The following MTSS2 variants were observed in gnomAD, a reference collection of about 807,000 sequenced individuals.
MTSS2 encodes the protein MTSS I-BAR domain containing 2, also known as protein MTSS 2.
Under a neutral mutation model 67.1 loss-of-function variants are expected in MTSS2, and 27 were observed. The ratio of observed to expected loss-of-function variants is 0.40; its 90% CI spans 0.30 to 0.55. The LOEUF is 0.55. MTSS2 is among the 20% of genes least tolerant of loss of function. MTSS2 has a pLI of 0.43. For synonymous variants in MTSS2, 624 were observed against 468.6 expected, an observed-to-expected ratio of 1.33 and a Z score of -4.28; for missense variants, 1,171 against 1,067.8, an observed-to-expected ratio of 1.10 and a Z score of -1.35.
intron 11 of MTSS2, among the ~76,000 whole-genome samples, chr16:70,672,776 T>C (rs1047103767): frequency 6.6e-6 from 1 of 150,902 alleles, no homozygotes; most frequent in Non-Finnish European, 1.5e-5. Flanking sequence ...AAATATGAGC[T>C]CAGAGATGCC....
rs766649777 is a variant in MTSS2 at position 70,663,443 on chromosome 16, A to G, written c.*234T>C. 18 of 715,892 alleles carry G rather than the reference A, an allele frequency of 2.5e-5. No homozygotes were observed. The highest frequency in any genetic ancestry group is 3.9e-5 in the Non-Finnish European group (18 of 461,190). The allele number at this position is 715,892 out of a possible 1,614,324, so 44.3% of individuals were successfully genotyped here. The stretch of plus-strand genomic sequence containing the variant: ...GAAGAGGAGGGACCGAAGAGCATAA[A>G]ACAGACCCCGAACCAGGCCCAGGCC... On this transcript the variant is annotated 3_prime_UTR_variant, in exon 15 of 15. Coordinates refer to ENST00000338779, the MANE Select transcript of MTSS2 (RefSeq NM_138383.3).
At chr16:70,665,124 G>A in intron 12 of MTSS2, 28 bp from the exon 13 acceptor site, 1 of 1,575,330 alleles carries the variant, frequency 6.3e-7, no homozygotes, top group Middle Eastern at 1.8e-4. Flanking sequence ...CAGGTCAGGG[G>A]GACCACTGGC....
chr16:70,663,469 T>C lies in MTSS2; in HGVS notation c.*208A>G. 1.0e-6 allele frequency: 1 copy of C among 953,280 alleles called. No individual in the cohort carries two copies. The highest frequency in any genetic ancestry group is 1.7e-5 in the African/African-American group (1 of 58,860). The allele number at this position is 953,280 out of a possible 1,614,324, so 59.1% of individuals were successfully genotyped here. The stretch of plus-strand genomic sequence containing the variant: ...ACAGACCCCGAACCAGGCCCAGGCC[T>C]GCAGGCTCCGTCCTGGCCAGGCTTG... On this transcript the variant is annotated 3_prime_UTR_variant, in exon 15 of 15. Transcript: ENST00000338779.
chr16:70,679,520 G>A (rs913459365), intron 6 of MTSS2, 110 bp downstream of exon 6: 2 of 1,316,646 alleles, frequency 1.5e-6, no homozygotes, highest in Admixed American at 2.4e-5. Context: ...GTCCTGTGTC[G>A]GGGACAGCGC....
intron 3 of MTSS2, among the ~76,000 whole-genome samples, 198 bp from the exon 4 acceptor site, chr16:70,680,253 G>A (rs143983268): frequency 6.6e-6 from 1 of 152,128 alleles, no homozygotes; most frequent in East Asian, 1.9e-4. Context: ...CATCCCAGCC[G>A]CGCCAGCCTC....
chr16:70,668,565 G>A (rs2052807487), intron 11 of MTSS2, among the ~76,000 whole-genome samples: 2 of 152,194 alleles, frequency 1.3e-5, no homozygotes, highest in Admixed American at 1.3e-4. Flanking sequence ...AGGCAGCACT[G>A]CTGTGCACTG....
chr16:70,664,509 C>CA (rs1347699629), intron 14 of MTSS2, 60 bp from the exon 15 acceptor site: 10 of 1,558,982 alleles, frequency 6.4e-6, no homozygotes. Flanking sequence ...CCCAGCCCAC[C>CA]AGGGTGAGCA....
At chr16:70,672,341 C>CAAAAAA (rs11297993) in intron 11 of MTSS2, among the ~76,000 whole-genome samples, 46 of 80,828 alleles carry the variant, frequency 5.7e-4, no homozygotes, top group Admixed American at 8.9e-4. Context: ...GAGCAAAATT[C>CAAAAAA]AAAAAAAAAA....
At chr16:70,677,057 A>T in intron 9 of MTSS2, 79 bp from the exon 10 acceptor site, 1 of 1,101,056 alleles carries the variant, frequency 9.1e-7, no homozygotes, top group South Asian at 1.5e-5. Context: ...CCCACTCTCT[A>T]ATTGTGAACC....
rs1342715686 is a variant in MTSS2, at chr16:70,664,689, C to T, written c.1380G>A (p.Gln460=). The stretch of plus-strand genomic sequence containing the variant: ...ACTGCAGCGAGTCCCGGCTGCTCTT[C>T]TGGTGCTCCAGGCTCAGGCCCCGCG... ...VLTRGLSLEH[Q]KSSRDSLQYS... is the part of the protein sequence containing the mutation. The change falls in exon 14 of 15, where the codon CAG becomes CAA. Residue 460 remains glutamine (Q), a synonymous_variant. Coordinates refer to ENST00000338779, the MANE Select transcript of MTSS2 (RefSeq NM_138383.3). The T allele has an allele frequency of 1.2e-5, 19 of 1,613,246 alleles. No homozygotes were observed. The highest frequency in any genetic ancestry group is 5.3e-5 in the African/African-American group (4 of 74,940).
rs776732239 is a variant in MTSS2 at position 70,662,855 on chromosome 16, A to T, written c.*822T>A. 1.3e-5 allele frequency: 2 copies of T among 152,412 alleles called. No individual in the cohort carries two copies. Among genetic ancestry groups the T allele is most frequent in the Admixed American group, 6.5e-5 (1 of 15,284 alleles). The allele number at this position is 152,412 out of a possible 1,614,324, so 9.4% of individuals were successfully genotyped here. A position where few individuals can be genotyped will look rare whatever the true frequency, so the allele number is the denominator to read the frequency against. On this transcript the variant is annotated 3_prime_UTR_variant, in exon 15 of 15. Transcript: ENST00000338779. ...CAAAGTTAAAAGATTGATGTACCCA[A>T]TGAGAAGTGGACATCTGAAAACGGT...
rs1597794690 is a variant in MTSS2, at chr16:70,664,053, G to A, written c.1868C>T (p.Ala623Val). Residue 623 changes from alanine to valine, a missense_variant, in exon 15 of 15, where the codon GCC becomes GTC. Around this residue, in one of 2 missense-constraint regions of MTSS2, gnomAD observed 924 missense variants for 756.0 expected, o/e 1.22. Coordinates refer to ENST00000338779, the MANE Select transcript of MTSS2 (RefSeq NM_138383.3). ...EECVFYTDET[A>V]SPLAPDLAKA... ...GGCGAGGTCCGGTGCCAGGGGTGAG[G>A]CGGTCTCGTCGGTATAGAAGACGCA... 1 of 1,610,626 alleles carries A rather than the reference G, an allele frequency of 6.2e-7. No individual in the cohort carries two copies. Among genetic ancestry groups the A allele is most frequent in the East Asian group, 2.2e-5 (1 of 44,808 alleles).
At position 70,680,965 on chromosome 16, in the gene MTSS2, T is replaced by C; in HGVS notation, c.130A>G (p.Arg44Gly). The part of the protein sequence containing the change: ...SKATKLHSQL[R>G]TTVLAAVAFL... ...CTGGGGTGCCCTGGGCCACCTCACCTCAGCTGGGAATGCAGCTTCGTGGCC... is the reference window on the plus strand; with the variant it reads ...CTGGGGTGCCCTGGGCCACCTCACCCCAGCTGGGAATGCAGCTTCGTGGCC... Residue 44 changes from arginine to glycine, a missense_variant and splice_region_variant, in exon 2 of 15, where the codon AGG becomes GGG. Physicochemically the swap from Arg to Gly is moderately radical, Grantham distance 125 (BLOSUM62 -2). Transcript: ENST00000338779. 1 of 1,603,106 alleles carries C rather than the reference T, an allele frequency of 6.2e-7. No individual in the cohort carries two copies. The highest frequency in any genetic ancestry group is 8.5e-7 in the Non-Finnish European group (1 of 1,175,780).
At chr16:70,676,144 C>A (rs553278314) in intron 10 of MTSS2, among the ~76,000 whole-genome samples, 1 of 152,328 alleles carries the variant, frequency 6.6e-6, no homozygotes, top group African/African-American at 2.4e-5. Flanking sequence ...AAAGGGGGGC[C>A]CCCACCAGCA....
chr16:70,672,341 C>CAAAAAAA (rs11297993), intron 11 of MTSS2, among the ~76,000 whole-genome samples: 30 of 80,818 alleles, frequency 3.7e-4, no homozygotes, highest in Non-Finnish European at 5.5e-4. Flanking sequence ...GAGCAAAATT[C>CAAAAAAA]AAAAAAAAAA....
At chr16:70,680,145 G>GCGGAGCC (rs2142901570) in intron 3 of MTSS2, 90 bp from the exon 4 acceptor site, 2 of 906,644 alleles carry the variant, frequency 2.2e-6, no homozygotes, top group Non-Finnish European at 1.4e-6. Context: ...GGCCGCGCAG[G>GCGGAGCC]CGGAGCCCGC....
intron 11 of MTSS2, among the ~76,000 whole-genome samples, chr16:70,672,850 A>C (rs1281886259): frequency 6.6e-6 from 1 of 152,086 alleles, no homozygotes; most frequent in East Asian, 1.9e-4. Flanking sequence ...AATAGAAAGA[A>C]TCAAAGTGGA....
At chr16:70,678,541 C>T (rs531711983) in intron 7 of MTSS2, 132 bp from the exon 8 acceptor site, 114 of 1,061,440 alleles carry the variant, frequency 1.1e-4, no homozygotes, top group Non-Finnish European at 1.4e-4. Flanking sequence ...CAGGGGACTG[C>T]GGAGGGCAGT....
At chr16:70,672,746 C>T (rs564749335) in intron 11 of MTSS2, among the ~76,000 whole-genome samples, 8 of 150,504 alleles carry the variant, frequency 5.3e-5, no homozygotes, top group Non-Finnish European at 7.4e-5. Flanking sequence ...AGAATATATC[C>T]GGAGAAACAA....
Sources: gnomAD v4.1 joint callset for allele counts (sites outside exome capture counted in the v4.1 genomes callset) on GRCh38, gnomAD v4.1.1 for gene constraint, gnomAD v4.1.1 regional missense constraint, MANE v1.5 for transcripts, NCBI Gene and HGNC (gene_info 2026-07-23, HGNC 2026-07-21) for gene names.